The following CBLN2 variants were observed in gnomAD, a reference collection of about 807,000 sequenced individuals.
CBLN2 encodes cerebellin-2.
In CBLN2, 7 loss-of-function variants were observed where a neutral mutation model predicts 15.0. That is an observed-to-expected ratio of 0.47 (90% confidence interval 0.27 to 0.88). The LOEUF (loss-of-function observed/expected upper bound fraction) is 0.88, where lower values mean the gene tolerates loss of function less well. CBLN2 is among the 40% of genes least tolerant of loss of function. The probability of loss-of-function intolerance (pLI) is 0.14; values close to 1 mark genes in which losing one functional copy is unlikely to be tolerated. For missense variants in CBLN2, 242 were observed against 304.5 expected (o/e 0.79, Z 1.53); for synonymous variants, 149 against 135.2 (o/e 1.10, Z -0.71).
chr18:72,627,208 C>A (rs955225111), intron 1 of CBLN2, among the ~76,000 whole-genome samples: 3 of 152,144 alleles, frequency 2.0e-5, no homozygotes, highest in African/African-American at 7.2e-5. Context: ...ACCCAAATGG[C>A]AATCAATAGC....
At chr18:72,561,831 G>A (rs963966073) in intron 1 of CBLN2, among the ~76,000 whole-genome samples, 19 of 152,172 alleles carry the variant, frequency 1.2e-4, no homozygotes, top group East Asian at 1.9e-4. Context: ...TTAAAATTAC[G>A]TAAACATTAA....
chr18:72,593,152 T>G (rs1476899261), intron 1 of CBLN2, among the ~76,000 whole-genome samples: 2 of 152,186 alleles, frequency 1.3e-5, no homozygotes, highest in Non-Finnish European at 2.9e-5. Context: ...TTTGCTGTCC[T>G]CTTTAATTTC....
intron 1 of CBLN2, among the ~76,000 whole-genome samples, chr18:72,623,327 G>A (rs2069713551): frequency 6.6e-6 from 1 of 152,160 alleles, no homozygotes; most frequent in African/African-American, 2.4e-5. Flanking sequence ...GGAAAAAGGA[G>A]GGTTGGTACT....
At chr18:72,557,290 G>A (rs2144888721) in intron 1 of CBLN2, among the ~76,000 whole-genome samples, 1 of 152,170 alleles carries the variant, frequency 6.6e-6, no homozygotes, top group Non-Finnish European at 1.5e-5. Flanking sequence ...TCATTGATGG[G>A]CATTTGAGTG....
intron 1 of CBLN2, among the ~76,000 whole-genome samples, chr18:72,599,427 T>C (rs550593215): frequency 1.4e-4 from 21 of 152,296 alleles, no homozygotes; most frequent in African/African-American, 4.8e-4. Context: ...TAGGATAACT[T>C]AAAACATGAA....
At chr18:72,590,126 A>G (rs942288064) in intron 1 of CBLN2, among the ~76,000 whole-genome samples, 2 of 152,194 alleles carry the variant, frequency 1.3e-5, no homozygotes, top group African/African-American at 4.8e-5. Flanking sequence ...TTAGCCGGGC[A>G]TGGTGGCGGG....
chr18:72,554,136 G>A (rs564231598), intron 1 of CBLN2, among the ~76,000 whole-genome samples: 4 of 151,918 alleles, frequency 2.6e-5, no homozygotes, highest in African/African-American at 9.7e-5. Flanking sequence ...AATGTTTAAC[G>A]AATTAAAAAT....
intron 1 of CBLN2, among the ~76,000 whole-genome samples, chr18:72,589,768 C>T (rs2069467365): frequency 6.6e-6 from 1 of 152,100 alleles, no homozygotes; most frequent in Non-Finnish European, 1.5e-5. Flanking sequence ...AAACAAAAGG[C>T]TATTGTGGGA....
chr18:72,590,506 C>A lies in CBLN2; in HGVS notation c.15+47819G>T, dbSNP rs1472312882. 6.6e-5 allele frequency among the ~76,000 whole-genome samples: 10 copies of A among 152,196 alleles called. 1 individual carries two copies. The highest frequency in any genetic ancestry group is 2.4e-4 in the African/African-American group (10 of 41,552). Reference sequence around the variant, plus strand: ...GAAAAGTAATAGAAATTAATACAATCATTGAAATTGTATTTGTTTTAGAAT... The same window carrying A: ...GAAAAGTAATAGAAATTAATACAATAATTGAAATTGTATTTGTTTTAGAAT... On this transcript the variant is annotated intron_variant, in intron 1 of 2. Transcript: ENST00000581073.
chr18:72,594,385 T>A (rs1448158929), intron 1 of CBLN2, among the ~76,000 whole-genome samples: 1 of 152,172 alleles, frequency 6.6e-6, no homozygotes, highest in Non-Finnish European at 1.5e-5. Context: ...TTCAGTTTGC[T>A]AGTATTTTGT....
chr18:72,618,939 T>C, intron 1 of CBLN2: 1 of 741,294 alleles, frequency 1.3e-6, no homozygotes. Flanking sequence ...TCAGTGGTCA[T>C]GGTGGCTTTG....
At position 72,544,340 on chromosome 18, in the gene CBLN2, AC is replaced by A. The variant is rs2069142388; in HGVS notation, c.-576del. On this transcript the variant is annotated 5_prime_UTR_variant, in exon 1 of 5. Transcript: ENST00000269503. ...GTGTGTCTGCTCCTCTGGACCTCGG[AC>A]TGGTGGAGCGGCTGGCGCTTGCGCT... 6.6e-6 allele frequency: 1 copy of A among 152,152 alleles called. No individual in the cohort carries two copies. Among genetic ancestry groups the A allele is most frequent in the African/African-American group, 2.4e-5 (1 of 41,436 alleles). The allele number at this position is 152,152 out of a possible 1,614,324, so 9.4% of individuals were successfully genotyped here. A position where few individuals can be genotyped will look rare whatever the true frequency, so the allele number is the denominator to read the frequency against.
At chr18:72,577,182 T>C (rs2069373730) in intron 1 of CBLN2, among the ~76,000 whole-genome samples, 1 of 150,988 alleles carries the variant, frequency 6.6e-6, no homozygotes, top group South Asian at 2.1e-4. Flanking sequence ...TAAACATAAA[T>C]ATATATGAAT....
At chr18:72,540,141 A>G (rs17270351) in intron 3 of CBLN2, 18,328 of 152,222 alleles carry the variant, frequency 0.12, 1,478 homozygotes, top group Admixed American at 0.2. Flanking sequence ...TCACAAGGCT[A>G]TGCTCGCTGT....
intron 1 of CBLN2, among the ~76,000 whole-genome samples, chr18:72,612,277 T>C (rs1333609409): frequency 2.0e-5 from 3 of 152,180 alleles, no homozygotes; most frequent in Non-Finnish European, 4.4e-5. Context: ...GTTTGAAAAA[T>C]GACATTAATA....
At chr18:72,550,110 C>T (rs1490989587) in intron 1 of CBLN2, among the ~76,000 whole-genome samples, 1 of 152,166 alleles carries the variant, frequency 6.6e-6, no homozygotes, top group African/African-American at 2.4e-5. Flanking sequence ...TTTTCTTACT[C>T]ACTGCCAGAA....
chr18:72,603,104 G>A (rs75652021), intron 1 of CBLN2, among the ~76,000 whole-genome samples: 1,785 of 152,352 alleles, frequency 0.012, 38 homozygotes, highest in African/African-American at 0.04. Context: ...ATGCCATGCC[G>A]CAAGGCAAAA....
In CBLN2 at chr18:72,584,326, C is replaced by T. The variant is rs1206950023; in HGVS notation, c.16-45554G>A. Among the ~76,000 whole-genome samples the T allele has an allele frequency of 8.1e-5, 12 of 147,504 alleles. No homozygotes were observed. The South Asian group carries it at 1.3e-3, about 16-fold the overall frequency. On this transcript the variant is annotated intron_variant, in intron 1 of 2. Coordinates refer to the CBLN2 transcript ENST00000581073. ...AATTACCAATCCTTTTTTTTTTTTTCCCCTGAGACGAAGTCTTGCTCTGTC... is the reference window on the plus strand; with the variant it reads ...AATTACCAATCCTTTTTTTTTTTTTTCCCTGAGACGAAGTCTTGCTCTGTC...
chr18:72,609,485 C>T (rs2069606330), intron 1 of CBLN2, among the ~76,000 whole-genome samples: 1 of 152,084 alleles, frequency 6.6e-6, no homozygotes, highest in South Asian at 2.1e-4. Flanking sequence ...CTGACACCTT[C>T]ATCTCAGACT....
Sources: allele counts gnomAD v4.1 joint callset (sites outside exome capture counted in the v4.1 genomes callset), GRCh38; gene constraint gnomAD v4.1.1; transcripts MANE v1.5; gene names NCBI Gene and HGNC (gene_info 2026-07-23, HGNC 2026-07-21).